Variants in SVIL observed in about 807,000 individuals in gnomAD.
SVIL encodes the protein archvillin.
In SVIL, 101 loss-of-function variants were observed where a neutral mutation model predicts 240.4. The observed-to-expected ratio is 0.42, with a 90% CI of 0.36 to 0.50. The LOEUF is 0.50. Among genes scored for constraint, SVIL ranks in the 20% least tolerant of loss-of-function variants. SVIL has a pLI of 0.01. For missense variants in SVIL, 2,512 were observed against 2,818.7 expected, an observed-to-expected ratio of 0.89 and a Z score of 2.46; for synonymous variants, 999 against 1,100.0, an observed-to-expected ratio of 0.91 and a Z score of 1.82.
rs1964867235 is a variant in SVIL at position 29,735,687 on chromosome 10, C to G, written c.-400+64G>C. ...CCCGGAGCAGAGCGCAGCGGCGCGTCCTGGCGTCTGCCGGCCCCGGCTCCG... is the reference window on the plus strand; with the variant it reads ...CCCGGAGCAGAGCGCAGCGGCGCGTGCTGGCGTCTGCCGGCCCCGGCTCCG... On this transcript the variant is annotated intron_variant, in intron 1 of 35. Transcript: ENST00000375400. This position sits in a 1 kb window ranked among gnomAD's most constrained non-coding sequence, Gnocchi z 4.1. 6.6e-6 allele frequency: 1 copy of G among 152,040 alleles called. No homozygotes were observed. The highest frequency in any genetic ancestry group is 2.4e-5 in the African/African-American group (1 of 41,396). The allele number at this position is 152,040 out of a possible 1,614,324, so 9.4% of individuals were successfully genotyped here. A position where few individuals can be genotyped will look rare whatever the true frequency, so the allele number is the denominator to read the frequency against.
Position 29,551,249 on chromosome 10 carries a change from C to G in SVIL, c.175G>C (p.Glu59Gln), listed in dbSNP as rs1461678804. Residue 59 changes from glutamate (E) to glutamine (Q), a missense_variant, in exon 6 of 38, where the codon GAG (glutamate) becomes CAG (glutamine). This residue lies in a region of SVIL where 1,443 missense variants were observed against 1,486.6 expected (regional missense o/e 0.97). Transcript: ENST00000355867. ...ASPHIGRSNE[E>Q]EETSDSSLEK... ...AGAGAAGAATCAGAAGTTTCCTCCT[C>G]TTCATTTGATCGGCCTACAAGAAGG... is the stretch of plus-strand genomic sequence containing the variant. The G allele has an allele frequency of 6.3e-7, 1 of 1,597,378 alleles. No homozygotes were observed. The highest frequency in any genetic ancestry group is 1.3e-5 in the African/African-American group (1 of 74,160).
At chr10:29,571,788 A>G (rs945055826) in intron 1 of SVIL, among the ~76,000 whole-genome samples, 3 of 152,236 alleles carry the variant, frequency 2.0e-5, no homozygotes, top group Non-Finnish European at 4.4e-5. Context: ...AACATTCAAG[A>G]GAACCAGGAG....
At position 29,488,195 on chromosome 10, in the gene SVIL, G is replaced by A. The variant is rs549048133; in HGVS notation, c.4348+406C>T. On this transcript the variant is annotated intron_variant, in intron 23 of 37. Coordinates refer to ENST00000355867, the MANE Select transcript of SVIL (RefSeq NM_021738.3). ...TTCCTCCCCAGTTCTGTACTGACTC[G>A]GGGAGAACTGGGCAGAGAGCAGAGA... is the stretch of plus-strand genomic sequence containing the variant. Among the ~76,000 whole-genome samples, 42 of 150,862 alleles carry A rather than the reference G, an allele frequency of 2.8e-4. No homozygotes were observed. In the East Asian group the frequency reaches 4.7e-3, roughly 17 times the overall value.
At chr10:29,541,586 T>C (rs1254491844) in intron 6 of SVIL, among the ~76,000 whole-genome samples, 1 of 152,068 alleles carries the variant, frequency 6.6e-6, no homozygotes, top group Admixed American at 6.6e-5. Context: ...CTAATCTCAG[T>C]GAAGGCCTGA....
chr10:29,564,007 A>T (rs1034162140), intron 2 of SVIL, among the ~76,000 whole-genome samples: 1 of 151,986 alleles, frequency 6.6e-6, no homozygotes, highest in African/African-American at 2.4e-5. Context: ...GGTACGAACT[A>T]CTCAGCGAGG....
At chr10:29,627,268 C>G (rs986617023) in intron 1 of SVIL, among the ~76,000 whole-genome samples, 1 of 152,008 alleles carries the variant, frequency 6.6e-6, no homozygotes, top group African/African-American at 2.4e-5. Flanking sequence ...CCAAGGAAGA[C>G]AGATTATTCT....
chr10:29,533,383 A>G lies in SVIL; in HGVS notation c.984T>C (p.Thr328=). The G allele has an allele frequency of 6.2e-7, 1 of 1,614,168 alleles. No individual in the cohort carries two copies. The highest frequency in any genetic ancestry group is 8.5e-7 in the Non-Finnish European group (1 of 1,180,048). The change falls in exon 8 of 38, where the codon ACT becomes ACC. Residue 328 remains threonine (T), a synonymous_variant. Coordinates refer to ENST00000355867, the MANE Select transcript of SVIL (RefSeq NM_021738.3). The stretch of plus-strand genomic sequence containing the variant: ...CTGGCGCTGGCTGGTGTCTCCTCTG[A>G]GTTACGGACTCTGAGGCGAGTTCAG... The part of the protein sequence containing the change: ...NSPELASESV[T]QRRHQPAPVH...
At chr10:29,692,530 G>A (rs920286140) in intron 1 of SVIL, among the ~76,000 whole-genome samples, 3 of 152,050 alleles carry the variant, frequency 2.0e-5, no homozygotes, top group Admixed American at 6.6e-5. Flanking sequence ...ATGTTCAGGA[G>A]AGATCTGTGA....
chr10:29,703,741 T>G (rs541398852), intron 1 of SVIL, among the ~76,000 whole-genome samples: 1 of 152,172 alleles, frequency 6.6e-6, no homozygotes, highest in Non-Finnish European at 1.5e-5. Context: ...TGACAAACAG[T>G]TGGGGAAAGT....
At chr10:29,493,806 G>A (rs1428647759) in intron 20 of SVIL, among the ~76,000 whole-genome samples, 1 of 152,208 alleles carries the variant, frequency 6.6e-6, no homozygotes, top group Non-Finnish European at 1.5e-5. Context: ...CGACAACTCA[G>A]TTCTGCTGTC....
intron 17 of SVIL, among the ~76,000 whole-genome samples, chr10:29,509,632 T>C (rs1200134585): frequency 6.6e-6 from 1 of 152,024 alleles, no homozygotes; most frequent in African/African-American, 2.4e-5. Context: ...GTGGATCACC[T>C]GAGGTTGGGA....
intron 6 of SVIL, among the ~76,000 whole-genome samples, chr10:29,537,363 T>C (rs1951815227): frequency 6.6e-6 from 1 of 152,216 alleles, no homozygotes; most frequent in South Asian, 2.1e-4. Flanking sequence ...AGGTAATATA[T>C]AGTCCACACA....
chr10:29,513,824 T>A (rs187686410), intron 16 of SVIL, among the ~76,000 whole-genome samples: 59 of 152,342 alleles, frequency 3.9e-4, no homozygotes, highest in Non-Finnish European at 1.5e-4. Flanking sequence ...TAACCTACTT[T>A]AGCTCAATGA....
intron 1 of SVIL, among the ~76,000 whole-genome samples, chr10:29,714,206 T>G (rs1963475722): frequency 6.6e-6 from 1 of 152,200 alleles, no homozygotes; most frequent in South Asian, 2.1e-4. Context: ...CATTCCTTCA[T>G]TTAGATGGCC....
rs374182547 is a variant in SVIL at position 29,591,808 on chromosome 10, G to C, written c.-200-22496C>G. Among the ~76,000 whole-genome samples, 34 of 152,382 alleles carry C rather than the reference G, an allele frequency of 2.2e-4. No individual in the cohort carries two copies. In the East Asian group the frequency reaches 5.6e-3, roughly 25 times the overall value. On this transcript the variant is annotated intron_variant, in intron 1 of 37. Coordinates refer to ENST00000355867, the MANE Select transcript of SVIL (RefSeq NM_021738.3). ...AGCTCCATGCTGCGAAGGGATCTTA[G>C]CACACGTGGGGAGATCCAAGTGCTC...
Position 29,465,500 on chromosome 10 carries a change from C to G in SVIL, c.6133+95G>C. 2.1e-6 allele frequency: 3 copies of G among 1,462,574 alleles called. No homozygotes were observed. The South Asian group carries it at 4.3e-5, about 21-fold the overall frequency. The allele number at this position is 1,462,574 out of a possible 1,614,324, so 90.6% of individuals were successfully genotyped here. ...GTGCTCTGGGAATGTACTTGGCAAACAGAAGCTGCTTAATAAATACCAACG... is the reference window on the plus strand; with the variant it reads ...GTGCTCTGGGAATGTACTTGGCAAAGAGAAGCTGCTTAATAAATACCAACG... On this transcript the variant is annotated intron_variant, in intron 34 of 37. Transcript: ENST00000355867.
At chr10:29,546,080 A>T (rs2132624534) in intron 6 of SVIL, among the ~76,000 whole-genome samples, 1 of 152,282 alleles carries the variant, frequency 6.6e-6, no homozygotes, top group Admixed American at 6.5e-5. Flanking sequence ...AGATGCATAA[A>T]GTAACAAATT....
At chr10:29,652,234 A>G (rs1233322941) in intron 3 of SVIL, among the ~76,000 whole-genome samples, 2 of 152,180 alleles carry the variant, frequency 1.3e-5, no homozygotes, top group Admixed American at 1.3e-4. Context: ...TGTCGTAGGC[A>G]ACCATTAATC....
intron 1 of SVIL, among the ~76,000 whole-genome samples, chr10:29,587,273 C>T (rs185139499): frequency 1.9e-3 from 287 of 152,284 alleles, no homozygotes; most frequent in African/African-American, 6.7e-3. Flanking sequence ...CAGTACTAGG[C>T]CACGTCTCCG....
Sources: allele counts gnomAD v4.1 joint callset (sites outside exome capture counted in the v4.1 genomes callset), GRCh38; gene constraint gnomAD v4.1.1; regional missense constraint gnomAD v4.1.1; non-coding constraint Gnocchi (gnomAD v3.1); transcripts MANE v1.5; gene names NCBI Gene and HGNC (gene_info 2026-07-23, HGNC 2026-07-21).